The following DCC variants were observed in gnomAD, a reference collection of about 807,000 sequenced individuals.
The protein encoded by DCC is netrin receptor DCC.
DCC carries 58 observed loss-of-function variants against 172.5 expected under a neutral mutation model. That is an observed-to-expected ratio of 0.34 (90% CI 0.27 to 0.42). The LOEUF is 0.42. Ranked by LOEUF, DCC falls within the 10% of genes least tolerant of loss-of-function variation. DCC has a pLI of 1.00. For synonymous variants in DCC, 709 were observed against 644.5 expected, an observed-to-expected ratio of 1.10 and a Z score of -1.52; for missense variants, 1,740 against 1,791.0, an observed-to-expected ratio of 0.97 and a Z score of 0.51.
chr18:53,341,234 A>G (rs1449948532), intron 15 of DCC, among the ~76,000 whole-genome samples: 3 of 152,314 alleles, frequency 2.0e-5, no homozygotes, highest in East Asian at 1.9e-4. Context: ...GGAGGTGCCC[A>G]TGGCAGTAAA....
intron 15 of DCC, among the ~76,000 whole-genome samples, chr18:53,385,808 T>C (rs1475455456): frequency 1.3e-5 from 2 of 152,166 alleles, no homozygotes; most frequent in Non-Finnish European, 2.9e-5. Context: ...AGCAGATAAA[T>C]GCTTTCGGTT....
intron 12 of DCC, among the ~76,000 whole-genome samples, chr18:53,256,193 G>C (rs951962825): frequency 6.6e-5 from 10 of 152,010 alleles, no homozygotes; most frequent in Admixed American, 3.9e-4. Flanking sequence ...AGTTTCTTTT[G>C]CTGTGCAGAA....
intron 2 of DCC, among the ~76,000 whole-genome samples, chr18:52,823,950 A>G (rs1403909151): frequency 1.3e-5 from 2 of 152,230 alleles, no homozygotes; most frequent in African/African-American, 4.8e-5. Context: ...AGCTTGTACT[A>G]TCTGGGCAGT....
chr18:53,190,184 T>C (rs6508206), intron 9 of DCC, among the ~76,000 whole-genome samples: 151,177 of 152,238 alleles, frequency 0.99, 75,069 homozygotes, highest in Middle Eastern at 1. Flanking sequence ...CCTCAGCCTC[T>C]CAAAGTGCTG....
chr18:53,468,149 C>G (rs534121522), intron 25 of DCC, 139 bp downstream of exon 25: 3 of 670,050 alleles, frequency 4.5e-6, no homozygotes, highest in Non-Finnish European at 5.4e-6. Flanking sequence ...TGACTAAAAC[C>G]GTATCATTAA....
At chr18:52,479,717 T>C (rs1003313623) in intron 1 of DCC, among the ~76,000 whole-genome samples, 1 of 152,134 alleles carries the variant, frequency 6.6e-6, no homozygotes, top group Admixed American at 6.6e-5. Flanking sequence ...CAACATTTTC[T>C]GTTAAGTTTG....
chr18:53,396,639 T>G (rs959417903), intron 17 of DCC, among the ~76,000 whole-genome samples: 5 of 152,222 alleles, frequency 3.3e-5, no homozygotes. Flanking sequence ...TGCTTTTGTC[T>G]CATGTTCTCT....
intron 1 of DCC, among the ~76,000 whole-genome samples, chr18:52,424,658 C>T (rs1987362501): frequency 6.6e-6 from 1 of 152,044 alleles, no homozygotes; most frequent in Admixed American, 6.6e-5. Flanking sequence ...TGCCTAGATC[C>T]TAATTAAGAA....
intron 13 of DCC, among the ~76,000 whole-genome samples, chr18:53,320,225 A>G (rs2057394400): frequency 6.6e-6 from 1 of 151,520 alleles, no homozygotes; most frequent in African/African-American, 2.4e-5. Context: ...GGCGCCCACC[A>G]CCACTCCCAG....
chr18:52,987,314 CAA>C, intron 5 of DCC, among the ~76,000 whole-genome samples: 1 of 152,198 alleles, frequency 6.6e-6, no homozygotes, highest in Middle Eastern at 3.4e-3. Context: ...AACAAACAAA[CAA>C]AAAACCCCAA....
In DCC at chr18:53,499,403, G is replaced by T; in HGVS notation, c.4004G>T (p.Cys1335Phe). ...EAPSRTIPTA[C>F]VRPTHPLRSF... ...CCAAGCAGAACCATCCCCACAGCTT[G>T]TGTTCGACCAACTCACCCACTCCGC... The change falls in exon 27 of 29, where the codon TGT (cysteine) becomes TTT (phenylalanine). Residue 1335 changes from cysteine (C) to phenylalanine (F), a missense_variant. By Grantham distance (205) the Cys-to-Phe change is radical. Coordinates refer to ENST00000442544, the MANE Select transcript of DCC (RefSeq NM_005215.4). 1 of 1,614,064 alleles carries T rather than the reference G, an allele frequency of 6.2e-7. No homozygotes were observed. Among genetic ancestry groups the T allele is most frequent in the Non-Finnish European group, 8.5e-7 (1 of 1,180,006 alleles).
intron 1 of DCC, among the ~76,000 whole-genome samples, chr18:52,556,945 G>C (rs1180529967): frequency 6.6e-6 from 1 of 152,050 alleles, no homozygotes; most frequent in Non-Finnish European, 1.5e-5. Flanking sequence ...ACAACATTTT[G>C]GATACCAAGC....
At chr18:52,467,364 A>G (rs1255652638) in intron 1 of DCC, among the ~76,000 whole-genome samples, 1 of 147,510 alleles carries the variant, frequency 6.8e-6, no homozygotes. Context: ...TGTCCCTGCA[A>G]AGGACACGAA....
intron 12 of DCC, among the ~76,000 whole-genome samples, chr18:53,236,009 T>C (rs562384709): frequency 1.8e-4 from 28 of 152,262 alleles, no homozygotes; most frequent in African/African-American, 6.3e-4. Context: ...AATATTGGAT[T>C]GTTTCCATTT....
chr18:53,091,678 G>T (rs997887958), intron 7 of DCC, among the ~76,000 whole-genome samples: 4 of 151,676 alleles, frequency 2.6e-5, no homozygotes, highest in Admixed American at 2.0e-4. Context: ...ATTTATAAGG[G>T]CTCCATCTTC....
At chr18:52,807,139 G>A (rs2038101426) in intron 2 of DCC, among the ~76,000 whole-genome samples, 1 of 152,200 alleles carries the variant, frequency 6.6e-6, no homozygotes, top group African/African-American at 2.4e-5. Flanking sequence ...AGGTTGCAGT[G>A]AGCCGAGGTC....
intron 1 of DCC, among the ~76,000 whole-genome samples, chr18:52,674,388 C>G (rs1027661472): frequency 1.3e-5 from 2 of 152,136 alleles, no homozygotes; most frequent in African/African-American, 4.8e-5. Flanking sequence ...CCTTCTCCTT[C>G]CATTTGCTTC....
At chr18:52,817,447 A>G (rs896731136) in intron 2 of DCC, among the ~76,000 whole-genome samples, 4 of 152,160 alleles carry the variant, frequency 2.6e-5, no homozygotes, top group African/African-American at 9.7e-5. Flanking sequence ...TTATAAAATT[A>G]TAAATGATTT....
intron 5 of DCC, among the ~76,000 whole-genome samples, chr18:52,985,248 A>C (rs978670385): frequency 6.6e-6 from 1 of 151,816 alleles, no homozygotes; most frequent in African/African-American, 2.4e-5. Context: ...TTCATTTTTG[A>C]TATTCATAAG....
Sources: allele counts gnomAD v4.1 joint callset (sites outside exome capture counted in the v4.1 genomes callset), GRCh38; gene constraint gnomAD v4.1.1; transcripts MANE v1.5; gene names NCBI Gene and HGNC (gene_info 2026-07-23, HGNC 2026-07-21).